The following GMDS variants were observed in gnomAD, a reference collection of about 807,000 sequenced individuals.
GMDS encodes the protein GDP-mannose 4,6 dehydratase.
A neutral mutation model predicts 49.9 loss-of-function variants in GMDS; 20 were observed. The observed-to-expected ratio is 0.40, with a 90% CI of 0.28 to 0.58. The LOEUF (loss-of-function observed/expected upper bound fraction) is 0.58. Among genes scored for constraint, GMDS ranks in the 20% least tolerant of loss-of-function variants. GMDS has a pLI of 0.42. For missense variants in GMDS, 362 were observed against 481.4 expected, an observed-to-expected ratio of 0.75 and a Z score of 2.32; for synonymous variants, 177 against 178.6, an observed-to-expected ratio of 0.99 and a Z score of 0.07.
intron 9 of GMDS, among the ~76,000 whole-genome samples, chr6:1,636,890 C>T (rs1227111911): frequency 1.3e-5 from 2 of 152,230 alleles, no homozygotes; most frequent in Non-Finnish European, 2.9e-5. Context: ...AGCACAAGCT[C>T]TGAACCTGGG....
At chr6:1,693,842 C>T (rs1401266750) in intron 9 of GMDS, among the ~76,000 whole-genome samples, 1 of 152,172 alleles carries the variant, frequency 6.6e-6, no homozygotes, top group African/African-American at 2.4e-5. Flanking sequence ...TATGTACCCT[C>T]CAAGTAGGCT....
rs144276589 is a variant in GMDS at position 1,963,528 on chromosome 6, A to T, written c.346-2562T>A. Among the ~76,000 whole-genome samples, 242 of 152,228 alleles carry T rather than the reference A, an allele frequency of 1.6e-3. 1 individual carries two copies. Among genetic ancestry groups the T allele is most frequent in the Admixed American group, 5.0e-3 (76 of 15,264 alleles). On this transcript the variant is annotated intron_variant, in intron 4 of 10. Transcript: ENST00000380815. The stretch of plus-strand genomic sequence containing the variant: ...AGAGTTTTATAGTTTTGTTTCATGT[A>T]CTTAATTCTATGATCCATTTTGAGT...
chr6:2,021,250 T>C (rs1276725049), intron 4 of GMDS, among the ~76,000 whole-genome samples: 3 of 152,332 alleles, frequency 2.0e-5, no homozygotes, highest in South Asian at 2.1e-4. Flanking sequence ...TTCTGGTCTA[T>C]TTATAACCAG....
At chr6:2,206,383 G>A (rs1779808473) in intron 1 of GMDS, among the ~76,000 whole-genome samples, 1 of 152,024 alleles carries the variant, frequency 6.6e-6, no homozygotes, top group Admixed American at 6.5e-5. Context: ...CAGACTCCAG[G>A]GGTGCCTCTG....
chr6:1,688,155 C>T (rs1765050681), intron 9 of GMDS, among the ~76,000 whole-genome samples: 1 of 152,092 alleles, frequency 6.6e-6, no homozygotes, highest in Non-Finnish European at 1.5e-5. Flanking sequence ...AGTGAGTGAA[C>T]CGTTCGCTGA....
At chr6:1,837,419 A>G (rs528724555) in intron 7 of GMDS, among the ~76,000 whole-genome samples, 1 of 152,236 alleles carries the variant, frequency 6.6e-6, no homozygotes, top group Admixed American at 6.5e-5. Flanking sequence ...TTTACTCAGG[A>G]TTTAGATTCC....
At chr6:1,799,433 TC>T (rs1411815589) in intron 7 of GMDS, among the ~76,000 whole-genome samples, 2 of 152,220 alleles carry the variant, frequency 1.3e-5, no homozygotes, top group Non-Finnish European at 2.9e-5. Flanking sequence ...GTTTTCTTTT[TC>T]AAGTTGTGAT....
At chr6:1,687,777 G>A (rs1046346308) in intron 9 of GMDS, among the ~76,000 whole-genome samples, 4 of 151,942 alleles carry the variant, frequency 2.6e-5, no homozygotes, top group African/African-American at 7.3e-5. Flanking sequence ...TCTGGGGGAG[G>A]AGCAGGTGTC....
chr6:1,888,840 C>G (rs762377191), intron 7 of GMDS, among the ~76,000 whole-genome samples: 4 of 152,146 alleles, frequency 2.6e-5, no homozygotes, highest in Non-Finnish European at 4.4e-5. Flanking sequence ...GAGAAATTGG[C>G]CAAAACAAAG....
At chr6:1,994,022 A>G (rs2127367921) in intron 4 of GMDS, among the ~76,000 whole-genome samples, 1 of 152,294 alleles carries the variant, frequency 6.6e-6, no homozygotes, top group East Asian at 1.9e-4. Context: ...AACATGTTCC[A>G]TTACAGCAAC....
At chr6:1,667,497 A>C (rs1373591935) in intron 9 of GMDS, among the ~76,000 whole-genome samples, 1 of 152,186 alleles carries the variant, frequency 6.6e-6, no homozygotes, top group Non-Finnish European at 1.5e-5. Context: ...CAGTGAGAAG[A>C]AGCTGACTAA....
intron 7 of GMDS, among the ~76,000 whole-genome samples, chr6:1,798,550 T>C (rs1021234406): frequency 1.3e-5 from 2 of 152,108 alleles, no homozygotes; most frequent in African/African-American, 2.4e-5. Context: ...GTGAGGCCCA[T>C]GTGGAGGTAG....
At chr6:1,986,888 G>C (rs1765581766) in intron 4 of GMDS, among the ~76,000 whole-genome samples, 1 of 152,226 alleles carries the variant, frequency 6.6e-6, no homozygotes, top group Non-Finnish European at 1.5e-5. Flanking sequence ...GTAGGGAAGG[G>C]AGGTAAGAAG....
chr6:2,131,377 C>CAGCA (rs1366713172), intron 1 of GMDS, among the ~76,000 whole-genome samples: 1 of 152,022 alleles, frequency 6.6e-6, no homozygotes, highest in Non-Finnish European at 1.5e-5. Context: ...AGGAGAAAAA[C>CAGCA]AGCACACACA....
chr6:1,655,856 C>T (rs910852508), intron 9 of GMDS, among the ~76,000 whole-genome samples: 3 of 152,160 alleles, frequency 2.0e-5, no homozygotes, highest in South Asian at 2.1e-4. Context: ...GATGAGCCTG[C>T]GGATACATTC....
chr6:2,099,736 C>A (rs373571399), intron 4 of GMDS, among the ~76,000 whole-genome samples: 1 of 152,142 alleles, frequency 6.6e-6, no homozygotes, highest in South Asian at 2.1e-4. Context: ...CACTATTCTG[C>A]ATTAAGTTTT....
In GMDS at chr6:2,122,032, C is replaced by G. The variant is rs147693762; in HGVS notation, c.147+2655G>C. ...TGTTTATCTGTTCCTGGTTTGTCCT[C>G]TGCTATCCCTAAGTAGGTTGTTTCC... On this transcript the variant is annotated intron_variant, in intron 2 of 10. Coordinates refer to ENST00000380815, the MANE Select transcript of GMDS (RefSeq NM_001500.4). Among the ~76,000 whole-genome samples, 15 of 152,336 alleles carry G rather than the reference C, an allele frequency of 9.8e-5. No individual in the cohort carries two copies. In the South Asian group the frequency reaches 2.9e-3, roughly 29 times the overall value.
intron 7 of GMDS, among the ~76,000 whole-genome samples, chr6:1,772,776 G>C (rs982931487): frequency 6.6e-6 from 1 of 152,200 alleles, no homozygotes; most frequent in Admixed American, 6.5e-5. Flanking sequence ...ACTCAGGGTC[G>C]CTTCGCTTCC....
chr6:1,952,768 G>A (rs147659435), intron 6 of GMDS, among the ~76,000 whole-genome samples: 122 of 152,252 alleles, frequency 8.0e-4, no homozygotes, highest in African/African-American at 2.9e-3. Context: ...TCCACAGGGA[G>A]AGAGAATGCT....
Sources: allele counts gnomAD v4.1 joint callset (sites outside exome capture counted in the v4.1 genomes callset), GRCh38; gene constraint gnomAD v4.1.1; transcripts MANE v1.5; gene names NCBI Gene and HGNC (gene_info 2026-07-23, HGNC 2026-07-21).